Variants in NR2C2 observed in about 807,000 individuals in gnomAD.
NR2C2 encodes Nuclear hormone receptor TR4.
Under a neutral mutation model 62.9 loss-of-function variants are expected in NR2C2, and 6 were observed. The observed-to-expected ratio is 0.10, with a 90% CI of 0.05 to 0.19. The LOEUF is 0.19. Among genes scored for constraint, NR2C2 ranks in the 10% least tolerant of loss-of-function variants. NR2C2 has a pLI of 1.00. For synonymous variants in NR2C2, 272 were observed against 273.8 expected (o/e 0.99, Z 0.07); for missense variants, 479 against 762.7 (o/e 0.63, Z 4.38).
chr3:15,023,404 CGTGT>C, intron 6 of NR2C2, 57 bp downstream of exon 6: 1 of 1,589,472 alleles, frequency 6.3e-7, no homozygotes, highest in South Asian at 1.1e-5. Flanking sequence ...GAGGCACAGA[CGTGT>C]CCCACAGCAG....
In NR2C2 at chr3:15,028,637, C is replaced by A; in HGVS notation, c.850C>A (p.Leu284Ile). The A allele has an allele frequency of 6.2e-7, 1 of 1,614,106 alleles. No individual in the cohort carries two copies. The highest frequency in any genetic ancestry group is 1.7e-5 in the Admixed American group (1 of 60,026). The stretch of plus-strand genomic sequence containing the variant: ...CACACTGGCAAATGTAGTGACCTCC[C>A]TTGCCAACCTAAGTGAATCTTTGAA... Reference protein sequence around the residue: ...LGTLANVVTSLANLSESLNNG... With the variant: ...LGTLANVVTSIANLSESLNNG... Residue 284 changes from leucine (L) to isoleucine (I), a missense_variant, in exon 8 of 14, where the codon CTT (leucine) becomes ATT (isoleucine). By Grantham distance (5) the Leu-to-Ile change is conservative. Around this residue, in one of 4 missense-constraint regions of NR2C2, gnomAD observed 151 missense variants for 176.1 expected, o/e 0.86. Transcript: ENST00000425241.
At chr3:14,994,581 T>A (rs1044922826) in intron 1 of NR2C2, among the ~76,000 whole-genome samples, 1 of 150,900 alleles carries the variant, frequency 6.6e-6, no homozygotes, top group South Asian at 2.1e-4. Context: ...TAGCTGGGAC[T>A]ACAGATGCGC....
chr3:14,990,579 C>A (rs1020201391), intron 1 of NR2C2, among the ~76,000 whole-genome samples: 1 of 152,162 alleles, frequency 6.6e-6, no homozygotes, highest in Non-Finnish European at 1.5e-5. Flanking sequence ...AAAGCAAATG[C>A]CTGTGAGTTC....
intron 1 of NR2C2, among the ~76,000 whole-genome samples, chr3:14,983,484 C>G (rs987962217): frequency 9.9e-5 from 15 of 151,382 alleles, no homozygotes; most frequent in African/African-American, 3.4e-4. Context: ...CACACACACA[C>G]ACACACACAC....
intron 13 of NR2C2, among the ~76,000 whole-genome samples, chr3:15,041,689 A>T (rs560190665): frequency 1.1e-4 from 16 of 152,198 alleles, no homozygotes; most frequent in African/African-American, 3.9e-4. Flanking sequence ...CCCCATCTCT[A>T]TGACAAAAAA....
chr3:15,024,458 T>A (rs2041766929), intron 7 of NR2C2, among the ~76,000 whole-genome samples: 1 of 152,228 alleles, frequency 6.6e-6, no homozygotes, highest in African/African-American at 2.4e-5. Context: ...TGGTGGACAT[T>A]CAGTGGTTCT....
At chr3:15,024,258 G>A (rs2041760318) in intron 7 of NR2C2, 50 bp downstream of exon 7, 3 of 1,309,736 alleles carry the variant, frequency 2.3e-6, no homozygotes, top group Admixed American at 4.2e-5. Flanking sequence ...TGACATTGCA[G>A]GCTGCTTCTC....
intron 1 of NR2C2, among the ~76,000 whole-genome samples, chr3:14,955,396 A>G (rs2039494015): frequency 2.6e-5 from 4 of 152,126 alleles, no homozygotes; most frequent in Admixed American, 2.0e-4. Flanking sequence ...TATTGATGTA[A>G]GCAATTTTTG....
At chr3:14,969,336 C>T (rs149182745) in intron 1 of NR2C2, among the ~76,000 whole-genome samples, 30 of 148,978 alleles carry the variant, frequency 2.0e-4, no homozygotes, top group African/African-American at 7.4e-4. Context: ...ACAACCACTT[C>T]CGTTCAAGCA....
chr3:15,043,225 G>A lies in NR2C2; in HGVS notation c.*217G>A. The A allele has an allele frequency of 2.6e-6, 1 of 378,066 alleles. No individual in the cohort carries two copies. 23.4% of individuals were successfully genotyped at this position (378,066 alleles called of 1,614,324 possible). On this transcript the variant is annotated 3_prime_UTR_variant, in exon 14 of 14. Coordinates refer to ENST00000425241, the MANE Select transcript of NR2C2 (RefSeq NM_001291694.2). The stretch of plus-strand genomic sequence containing the variant: ...TGTTTTAATGCCTTTTGATGAAGCA[G>A]CAGATTTTGGAACAATCTTTTAACT...
intron 1 of NR2C2, among the ~76,000 whole-genome samples, chr3:14,992,832 A>T (rs1398259716): frequency 6.6e-6 from 1 of 152,254 alleles, no homozygotes; most frequent in South Asian, 2.1e-4. Context: ...TTTCACACCC[A>T]GCTTGCCCAT....
chr3:15,018,156 G>A (rs893590058), intron 4 of NR2C2, among the ~76,000 whole-genome samples: 4 of 152,026 alleles, frequency 2.6e-5, no homozygotes, highest in Admixed American at 6.6e-5. Flanking sequence ...CTGCCACCAC[G>A]CCTGGCTAAT....
Position 15,028,649 on chromosome 3 carries a change from AG to A in NR2C2, c.863del (p.Ser288MetfsTer4). ...ANVVTSLANL[S>X]ESLNNGDTSE... is the part of the protein sequence containing the mutation. Reference sequence around the variant, plus strand: ...TGTAGTGACCTCCCTTGCCAACCTAAGTGAATCTTTGAACAACGGTGACACT... The same window carrying A: ...TGTAGTGACCTCCCTTGCCAACCTAATGAATCTTTGAACAACGGTGACACT... On this transcript the variant is annotated frameshift_variant, in exon 8 of 14. Transcript: ENST00000425241. LOFTEE classifies it high-confidence loss of function. 1 of 1,614,148 alleles carries A rather than the reference AG, an allele frequency of 6.2e-7. No homozygotes were observed. The highest frequency in any genetic ancestry group is 8.5e-7 in the Non-Finnish European group (1 of 1,180,014).
Position 15,043,259 on chromosome 3 carries a change from A to G in NR2C2, c.*251A>G, listed in dbSNP as rs1294839637. ...GGAACAATCTTTTAACTCAATTTGTATTTAGAAATTCTCAAAGGGCAAAAA... is the reference window on the plus strand; with the variant it reads ...GGAACAATCTTTTAACTCAATTTGTGTTTAGAAATTCTCAAAGGGCAAAAA... On this transcript the variant is annotated 3_prime_UTR_variant, in exon 14 of 14. Transcript: ENST00000425241. 1 of 317,986 alleles carries G rather than the reference A, an allele frequency of 3.1e-6. No homozygotes were observed. Among genetic ancestry groups the G allele is most frequent in the Non-Finnish European group, 5.7e-6 (1 of 176,418 alleles). 19.7% of individuals were successfully genotyped at this position (317,986 alleles called of 1,614,324 possible). A position where few individuals can be genotyped will look rare whatever the true frequency, so the allele number is the denominator to read the frequency against.
intron 1 of NR2C2, among the ~76,000 whole-genome samples, chr3:14,980,541 C>T (rs182545517): frequency 6.7e-6 from 1 of 150,202 alleles, no homozygotes; most frequent in African/African-American, 2.4e-5. Context: ...AAGTCTCGTA[C>T]TTCTACCCAC....
intron 2 of NR2C2, among the ~76,000 whole-genome samples, chr3:15,012,671 A>G (rs150560759): frequency 3.1e-4 from 47 of 152,304 alleles, no homozygotes; most frequent in African/African-American, 1.1e-3. Context: ...CTTTGCAGTA[A>G]GGGTCTGCTG....
chr3:14,982,863 A>G (rs1003654091), intron 1 of NR2C2, among the ~76,000 whole-genome samples: 28 of 152,244 alleles, frequency 1.8e-4, no homozygotes, highest in African/African-American at 4.6e-4. Flanking sequence ...AATGATTTCA[A>G]CAATTTGCTA....
chr3:14,971,251 G>A (rs2040029501), intron 1 of NR2C2, among the ~76,000 whole-genome samples: 1 of 151,498 alleles, frequency 6.6e-6, no homozygotes, highest in Non-Finnish European at 1.5e-5. Context: ...CTGAGTAGGT[G>A]GGATTACAGG....
intron 10 of NR2C2, 105 bp from the exon 11 acceptor site, chr3:15,034,565 T>C: frequency 8.4e-7 from 1 of 1,183,758 alleles, no homozygotes; most frequent in Non-Finnish European, 1.2e-6. Flanking sequence ...AAACACTTGC[T>C]GAATTCACCT....
Sources: gnomAD v4.1 joint callset for allele counts (sites outside exome capture counted in the v4.1 genomes callset) on GRCh38, gnomAD v4.1.1 for gene constraint, gnomAD v4.1.1 regional missense constraint, MANE v1.5 for transcripts, NCBI Gene and HGNC (gene_info 2026-07-23, HGNC 2026-07-21) for gene names.